The following CUX2 variants were observed in gnomAD, a reference collection of about 807,000 sequenced individuals.
The protein encoded by CUX2 is cut like homeobox 2.
Under a neutral mutation model 144.8 loss-of-function variants are expected in CUX2, and 40 were observed. The ratio of observed to expected loss-of-function variants is 0.28; its 90% CI spans 0.21 to 0.36. The LOEUF is 0.36. CUX2 is among the 10% of genes least tolerant of loss of function. CUX2 has a pLI of 1.00. For synonymous variants in CUX2, 827 were observed against 875.6 expected, an observed-to-expected ratio of 0.94 and a Z score of 0.98; for missense variants, 1,615 against 1,994.0, an observed-to-expected ratio of 0.81 and a Z score of 3.62.
intron 1 of CUX2, among the ~76,000 whole-genome samples, chr12:111,046,936 C>T (rs1240826660): frequency 1.3e-5 from 2 of 152,208 alleles, no homozygotes; most frequent in Admixed American, 6.5e-5. Context: ...GGATTGCAGG[C>T]GTGAGCCACC....
chr12:111,335,776 T>G (rs967813403), intron 19 of CUX2, among the ~76,000 whole-genome samples: 1 of 151,902 alleles, frequency 6.6e-6, no homozygotes, highest in Non-Finnish European at 1.5e-5. Context: ...CTTCACACAT[T>G]GTGGTGAATG....
chr12:111,166,211 A>G (rs947302713), intron 1 of CUX2, among the ~76,000 whole-genome samples: 7 of 152,192 alleles, frequency 4.6e-5, no homozygotes, highest in African/African-American at 1.4e-4. Context: ...TGTAAAGACG[A>G]AGTCTCGCTA....
At chr12:111,109,825 A>C (rs1169047275) in intron 1 of CUX2, among the ~76,000 whole-genome samples, 1 of 152,070 alleles carries the variant, frequency 6.6e-6, no homozygotes, top group East Asian at 1.9e-4. Flanking sequence ...TACTTCTCCA[A>C]CTTCTTCATT....
chr12:111,313,344 C>T (rs1053483653), intron 16 of CUX2, among the ~76,000 whole-genome samples: 2 of 149,584 alleles, frequency 1.3e-5, no homozygotes, highest in African/African-American at 4.9e-5. Context: ...GCTGGGATTA[C>T]AGGCGTGAGC....
intron 1 of CUX2, among the ~76,000 whole-genome samples, chr12:111,051,937 G>C (rs1870286995): frequency 6.6e-6 from 1 of 151,688 alleles, no homozygotes; most frequent in Non-Finnish European, 1.5e-5. Context: ...CATATATATT[G>C]TAACTTATAG....
At chr12:111,327,411 C>A (rs1887871298) in intron 18 of CUX2, among the ~76,000 whole-genome samples, 3 of 152,186 alleles carry the variant, frequency 2.0e-5, no homozygotes. Flanking sequence ...TTGGCTAGAT[C>A]ATATGGTAAC....
intron 1 of CUX2, among the ~76,000 whole-genome samples, chr12:111,062,166 G>C (rs1343712487): frequency 2.0e-5 from 3 of 152,144 alleles, no homozygotes; most frequent in Non-Finnish European, 2.9e-5. Context: ...GAATGAATGT[G>C]GGTGGCACCT....
chr12:111,045,684 C>T (rs1395522075), intron 1 of CUX2, among the ~76,000 whole-genome samples: 1 of 152,178 alleles, frequency 6.6e-6, no homozygotes, highest in South Asian at 2.1e-4. Flanking sequence ...CAATGATGGG[C>T]GCTGGGCTCG....
chr12:111,300,569 C>A (rs1190583755), intron 9 of CUX2, among the ~76,000 whole-genome samples: 2 of 152,214 alleles, frequency 1.3e-5, no homozygotes, highest in Admixed American at 1.3e-4. Flanking sequence ...CAGCAGGGTG[C>A]ACCATCGTCT....
At chr12:111,118,416 A>G (rs926131053) in intron 1 of CUX2, among the ~76,000 whole-genome samples, 1 of 152,226 alleles carries the variant, frequency 6.6e-6, no homozygotes, top group South Asian at 2.1e-4. Flanking sequence ...AGTGATGTCC[A>G]GTTGGTAGAT....
At chr12:111,193,875 G>T (rs781408875) in intron 1 of CUX2, among the ~76,000 whole-genome samples, 4 of 152,218 alleles carry the variant, frequency 2.6e-5, no homozygotes, top group Non-Finnish European at 5.9e-5. Flanking sequence ...ACCCTCTAGG[G>T]CCAGCTGGGA....
intron 1 of CUX2, among the ~76,000 whole-genome samples, chr12:111,183,649 C>G (rs936826944): frequency 1.3e-5 from 2 of 152,230 alleles, no homozygotes; most frequent in South Asian, 4.1e-4. Context: ...CTAAACCTCT[C>G]TGGGCGTCAC....
rs113941550 is a variant in CUX2, at chr12:111,238,214, T to C, written c.222+20277T>C. Among the ~76,000 whole-genome samples, 1,034 of 152,350 alleles carry C rather than the reference T, an allele frequency of 6.8e-3. 23 individuals carry two copies. Among genetic ancestry groups the C allele is most frequent in the African/African-American group, 0.024 (993 of 41,576 alleles). On this transcript the variant is annotated intron_variant, in intron 3 of 21. Transcript: ENST00000261726. Reference sequence around the variant, plus strand: ...TTAGCACAGTCTGTAATTATATGTTTGTTTGCCTAATTACTCACATAGTAC... The same window carrying C: ...TTAGCACAGTCTGTAATTATATGTTCGTTTGCCTAATTACTCACATAGTAC...
At chr12:111,118,438 A>G (rs1874427839) in intron 1 of CUX2, among the ~76,000 whole-genome samples, 2 of 152,196 alleles carry the variant, frequency 1.3e-5, no homozygotes, top group Non-Finnish European at 2.9e-5. Flanking sequence ...GAAATTGGCC[A>G]TGATGGGAAT....
intron 1 of CUX2, among the ~76,000 whole-genome samples, chr12:111,085,508 T>A (rs1481690057): frequency 6.6e-6 from 1 of 152,114 alleles, no homozygotes; most frequent in Non-Finnish European, 1.5e-5. Context: ...AAGGGGAGAA[T>A]GGAAGGAGAT....
intron 1 of CUX2, among the ~76,000 whole-genome samples, chr12:111,072,609 A>G (rs1216442619): frequency 6.6e-6 from 1 of 152,226 alleles, no homozygotes; most frequent in East Asian, 1.9e-4. Flanking sequence ...TGTTGGGGGT[A>G]TGGGGTGCTA....
At chr12:111,106,858 G>A (rs888908607) in intron 1 of CUX2, among the ~76,000 whole-genome samples, 6 of 152,184 alleles carry the variant, frequency 3.9e-5, no homozygotes, top group Admixed American at 1.3e-4. Context: ...GGCCGGGAGA[G>A]GAAAGAAGGA....
intron 1 of CUX2, among the ~76,000 whole-genome samples, chr12:111,102,183 G>T (rs1395849770): frequency 6.6e-6 from 1 of 152,184 alleles, no homozygotes; most frequent in Non-Finnish European, 1.5e-5. Flanking sequence ...TATGGGGTGG[G>T]TGTCCTGCGT....
At position 111,310,350 on chromosome 12, in the gene CUX2, C is replaced by T. The variant is rs754684720; in HGVS notation, c.1568C>T (p.Pro523Leu). 59 of 1,560,214 alleles carry T rather than the reference C, an allele frequency of 3.8e-5. No individual in the cohort carries two copies. The Admixed American group carries it at 5.1e-4, about 14-fold the overall frequency. ...GAKPPTAPAT[P>L]APGPEPLGGP... is the part of the protein sequence containing the mutation. ...AAGCCCCCCACAGCCCCTGCCACCC[C>T]GGCCCCTGGCCCTGAGCCACTGGGC... The change falls in exon 15 of 22, where the codon CCG (proline) becomes CTG (leucine). Residue 523 changes from proline (P) to leucine (L), a missense_variant. By Grantham distance (98) the Pro-to-Leu change is moderately conservative (BLOSUM62 -3). Coordinates refer to ENST00000261726, the MANE Select transcript of CUX2 (RefSeq NM_015267.4). This position sits in a 1 kb window ranked among gnomAD's most constrained non-coding sequence, Gnocchi z 7.9.
Sources: allele counts gnomAD v4.1 joint callset (sites outside exome capture counted in the v4.1 genomes callset), GRCh38; gene constraint gnomAD v4.1.1; non-coding constraint Gnocchi (gnomAD v3.1); transcripts MANE v1.5; gene names NCBI Gene and HGNC (gene_info 2026-07-23, HGNC 2026-07-21).